The following CACNA2D4 variants were observed in gnomAD, a reference collection of about 807,000 sequenced individuals.
CACNA2D4 encodes voltage-dependent calcium channel subunit alpha-2/delta-4.
A neutral mutation model predicts 163.8 loss-of-function variants in CACNA2D4; 157 were observed. That is an observed-to-expected ratio of 0.96 (90% CI 0.84 to 1.09). CACNA2D4 has a LOEUF of 1.09. CACNA2D4 is among the 50% of genes least tolerant of loss of function. The probability of loss-of-function intolerance (pLI) is 0.00; values close to 1 mark genes in which losing one functional copy is unlikely to be tolerated. For synonymous variants in CACNA2D4, 598 were observed against 586.9 expected (o/e 1.02, Z -0.27); for missense variants, 1,410 against 1,479.9 (o/e 0.95, Z 0.78).
At position 1,820,728 on chromosome 12, in the gene CACNA2D4, C is replaced by T. The variant is rs1864065739; in HGVS notation, c.2552-9005G>A. On this transcript the variant is annotated intron_variant, in intron 26 of 37. Transcript: ENST00000382722. This position sits in a 1 kb window ranked among gnomAD's most constrained non-coding sequence, Gnocchi z 6.0. ...ACTGCGCTCTGCCTGCCGGTGGTGT[C>T]TGGATTTCTATAGGAATCCCAGGAG... is the stretch of plus-strand genomic sequence containing the variant. 1 of 152,392 alleles carries T rather than the reference C, an allele frequency of 6.6e-6. No homozygotes were observed. Among genetic ancestry groups the T allele is most frequent in the Non-Finnish European group, 1.5e-5 (1 of 68,126 alleles). The allele number at this position is 152,392 out of a possible 1,614,324, so 9.4% of individuals were successfully genotyped here.
chr12:1,884,416 G>A (rs1866084743), intron 11 of CACNA2D4, 95 bp from the exon 12 acceptor site: 1 of 998,768 alleles, frequency 1.0e-6, no homozygotes, highest in Non-Finnish European at 1.5e-6. Context: ...TGGCCCCAGT[G>A]CCTCTCAGTC....
chr12:1,856,375 A>AT (rs1221200417), intron 20 of CACNA2D4, 146 bp from the exon 21 acceptor site: 2 of 831,634 alleles, frequency 2.4e-6, no homozygotes, highest in Non-Finnish European at 4.0e-6. Flanking sequence ...GTAGGAGAAC[A>AT]TGGCTAAGTC....
At chr12:1,896,652 C>CAAAAAA (rs1184831451) in intron 6 of CACNA2D4, among the ~76,000 whole-genome samples, 118 of 117,274 alleles carry the variant, frequency 1.0e-3, no homozygotes, top group African/African-American at 3.6e-3. Context: ...CACACACACA[C>CAAAAAA]ACAAAACAGA....
rs758902945 is a variant in CACNA2D4 at position 1,854,016 on chromosome 12, C to T, written c.2181G>A (p.Leu727=). 11 of 1,612,764 alleles carry T rather than the reference C, an allele frequency of 6.8e-6. No individual in the cohort carries two copies. The East Asian group carries it at 2.0e-4, about 29-fold the overall frequency. Residue 727 remains leucine (L), a synonymous_variant, in exon 23 of 38, where the codon CTG becomes CTA. Coordinates refer to ENST00000382722, the MANE Select transcript of CACNA2D4 (RefSeq NM_172364.5). ...ECDEELVREV[L]FDAVVTAPME... ...TGGGGGCTGTCACCACCGCGTCAAA[C>T]AGCACCTCCCGGACCAGCTCCTCGT...
chr12:1,886,947 C>T (rs1866160856), intron 7 of CACNA2D4, 62 bp downstream of exon 7: 3 of 1,298,844 alleles, frequency 2.3e-6, no homozygotes, highest in South Asian at 2.6e-5. Context: ...GAGGATGAGG[C>T]AAAACCCAAA....
At chr12:1,911,763 G>C (rs1218487034) in intron 3 of CACNA2D4, among the ~76,000 whole-genome samples, 2 of 152,208 alleles carry the variant, frequency 1.3e-5, no homozygotes, top group Non-Finnish European at 2.9e-5. Context: ...CGCTGCTCTA[G>C]TGACACAAGG....
At chr12:1,837,830 G>T (rs1189320123) in intron 26 of CACNA2D4, among the ~76,000 whole-genome samples, 1 of 152,186 alleles carries the variant, frequency 6.6e-6, no homozygotes, top group African/African-American at 2.4e-5. Flanking sequence ...CCCCTCTCAG[G>T]CCTGGCACAG....
intron 4 of CACNA2D4, among the ~76,000 whole-genome samples, chr12:1,908,381 GC>G (rs1366095747): frequency 6.6e-6 from 1 of 152,194 alleles, no homozygotes; most frequent in Non-Finnish European, 1.5e-5. Flanking sequence ...AGCCCCATCA[GC>G]CCCCTCCACT....
chr12:1,809,213 C>T (rs528492118), intron 29 of CACNA2D4, among the ~76,000 whole-genome samples: 20 of 152,314 alleles, frequency 1.3e-4, no homozygotes, highest in Admixed American at 4.6e-4. Context: ...TCTTTGGATC[C>T]GAAGCCGCAT....
chr12:1,892,418 T>C (rs1419408126), intron 6 of CACNA2D4, among the ~76,000 whole-genome samples: 9 of 152,198 alleles, frequency 5.9e-5, no homozygotes, highest in Non-Finnish European at 8.8e-5. Flanking sequence ...TCTTGAATTG[T>C]CCTGAAAAAG....
In CACNA2D4 at chr12:1,809,801, A is replaced by G. The variant is rs138180346; in HGVS notation, c.2721+477T>C. On this transcript the variant is annotated intron_variant, in intron 29 of 37. Transcript: ENST00000382722. The stretch of plus-strand genomic sequence containing the variant: ...AAGGCCGGGCGTGGTGGGTGAGAGT[A>G]TAATTTTCCATAAGGTCCAGACAGG... 8.5e-5 allele frequency among the ~76,000 whole-genome samples: 13 copies of G among 152,302 alleles called. No individual in the cohort carries two copies. The East Asian group carries it at 2.5e-3, about 29-fold the overall frequency.
chr12:1,908,732 AC>A (rs1866736141), intron 4 of CACNA2D4, among the ~76,000 whole-genome samples: 1 of 133,944 alleles, frequency 7.5e-6, no homozygotes, highest in African/African-American at 3.1e-5. Context: ...GGACTGCGTC[AC>A]GGACATCCCC....
At chr12:1,861,340 G>C (rs574579281) in intron 18 of CACNA2D4, among the ~76,000 whole-genome samples, 1 of 152,284 alleles carries the variant, frequency 6.6e-6, no homozygotes, top group East Asian at 1.9e-4. Flanking sequence ...CTATTGCAGC[G>C]GTCGTGGGAT....
chr12:1,809,533 G>C (rs1363901411), intron 29 of CACNA2D4: 1 of 702,850 alleles, frequency 1.4e-6, no homozygotes, highest in African/African-American at 1.7e-5. Flanking sequence ...TTTGCTTCAG[G>C]TTTGAATGGG....
In CACNA2D4 at chr12:1,840,836, A is replaced by G. The variant is rs1488604014; in HGVS notation, c.2471-17T>C. 3.4e-6 allele frequency: 5 copies of G among 1,490,014 alleles called. No homozygotes were observed. Among genetic ancestry groups the G allele is most frequent in the Non-Finnish European group, 4.4e-6 (5 of 1,126,584 alleles). 92.3% of individuals were successfully genotyped at this position (1,490,014 alleles called of 1,614,324 possible). On this transcript the variant is annotated splice_polypyrimidine_tract_variant and intron_variant, in intron 25 of 37. Coordinates refer to ENST00000382722, the MANE Select transcript of CACNA2D4 (RefSeq NM_172364.5). ...CCGCACTTTCTGGGGAAACAGAGAC[A>G]ACCCAGTCATGGGGAAGAGCTGTGG...
At chr12:1,830,602 G>A (rs1253238797) in intron 26 of CACNA2D4, among the ~76,000 whole-genome samples, 3 of 152,202 alleles carry the variant, frequency 2.0e-5, no homozygotes, top group East Asian at 1.9e-4. Flanking sequence ...ACTGTGGGAG[G>A]CCCTGTGAGC....
intron 6 of CACNA2D4, among the ~76,000 whole-genome samples, chr12:1,907,083 G>A (rs1046218898): frequency 2.0e-4 from 30 of 152,220 alleles, no homozygotes; most frequent in Non-Finnish European, 2.9e-4. Context: ...CACTCTTGGC[G>A]AGTGCGCCTC....
intron 1 of CACNA2D4, 109 bp from the exon 2 acceptor site, chr12:1,915,044 C>T (rs765631192): frequency 1.2e-4 from 98 of 801,244 alleles, no homozygotes; most frequent in Middle Eastern, 6.6e-4. Context: ...TGTCTACACA[C>T]AGACACCTGC....
At chr12:1,893,813 G>T (rs936489644) in intron 6 of CACNA2D4, among the ~76,000 whole-genome samples, 18 of 152,000 alleles carry the variant, frequency 1.2e-4, no homozygotes, top group Non-Finnish European at 2.2e-4. Flanking sequence ...ATAGTAGAAA[G>T]ATTTCTAACA....
Sources: gnomAD v4.1 joint callset for allele counts (sites outside exome capture counted in the v4.1 genomes callset) on GRCh38, gnomAD v4.1.1 for gene constraint, Gnocchi (gnomAD v3.1) non-coding constraint, MANE v1.5 for transcripts, NCBI Gene and HGNC (gene_info 2026-07-23, HGNC 2026-07-21) for gene names.